Variants in PCSK5 observed in about 807,000 individuals in gnomAD.
The protein encoded by PCSK5 is proprotein convertase subtilisin/kexin type 5, also known as prohormone convertase 5.
PCSK5 carries 129 observed loss-of-function variants against 233.2 expected under a neutral mutation model. The observed-to-expected ratio is 0.55, with a 90% confidence interval of 0.48 to 0.64. PCSK5 has a LOEUF of 0.64. PCSK5 is among the 30% of genes least tolerant of loss of function. The pLI is 0.00. For synonymous variants in PCSK5, 825 were observed against 879.2 expected, an observed-to-expected ratio of 0.94 and a Z score of 1.09; for missense variants, 2,076 against 2,430.1, an observed-to-expected ratio of 0.85 and a Z score of 3.06.
chr9:76,030,253 C>T (rs756207551), intron 5 of PCSK5, among the ~76,000 whole-genome samples: 4 of 152,058 alleles, frequency 2.6e-5, no homozygotes, highest in Non-Finnish European at 5.9e-5. Context: ...TTTAGCTCTC[C>T]ATGAGAGTCC....
chr9:76,323,511 G>A (rs1474158809), intron 32 of PCSK5, among the ~76,000 whole-genome samples: 1 of 152,070 alleles, frequency 6.6e-6, no homozygotes, highest in Non-Finnish European at 1.5e-5. Flanking sequence ...AGCCTCCAGA[G>A]TTGCTGGGAA....
intron 7 of PCSK5, among the ~76,000 whole-genome samples, chr9:76,095,543 C>A (rs573499951): frequency 4.7e-4 from 71 of 152,272 alleles, no homozygotes; most frequent in African/African-American, 1.6e-3. Context: ...AATTACTTAA[C>A]TTCTGTACCT....
intron 24 of PCSK5, among the ~76,000 whole-genome samples, chr9:76,274,799 G>C (rs1827636189): frequency 6.6e-6 from 1 of 152,184 alleles, no homozygotes; most frequent in South Asian, 2.1e-4. Context: ...GCCAGGAAAT[G>C]TAGAAAGAAT....
At chr9:76,131,085 G>C (rs1046695277) in intron 9 of PCSK5, among the ~76,000 whole-genome samples, 7 of 152,096 alleles carry the variant, frequency 4.6e-5, no homozygotes, top group African/African-American at 1.7e-4. Context: ...GGACTGTGGA[G>C]TTCCCTGCAG....
In PCSK5 at chr9:76,294,026, G is replaced by A. The variant is rs538739697; in HGVS notation, c.3186-1249G>A. On this transcript the variant is annotated intron_variant, in intron 25 of 37. Transcript: ENST00000674117. Reference sequence around the variant, plus strand: ...AGCCTAGCCAACCTGGGGAAACCCCGTCTCTACTAAAAATACAAAAATTAG... The same window carrying A: ...AGCCTAGCCAACCTGGGGAAACCCCATCTCTACTAAAAATACAAAAATTAG... 3.9e-5 allele frequency among the ~76,000 whole-genome samples: 6 copies of A among 152,156 alleles called. No individual in the cohort carries two copies. The East Asian group carries it at 1.2e-3, about 29-fold the overall frequency.
intron 11 of PCSK5, among the ~76,000 whole-genome samples, chr9:76,157,499 A>G (rs1370448719): frequency 6.7e-6 from 1 of 149,416 alleles, no homozygotes; most frequent in African/African-American, 2.6e-5. Context: ...TAACAACTCT[A>G]TACTGCGTAG....
intron 33 of PCSK5, among the ~76,000 whole-genome samples, chr9:76,331,751 C>A (rs1047508908): frequency 6.6e-6 from 1 of 151,716 alleles, no homozygotes; most frequent in Non-Finnish European, 1.5e-5. Context: ...CAGAGAGAAG[C>A]TACTGCACTG....
chr9:76,004,189 G>A (rs1339464539), intron 3 of PCSK5, among the ~76,000 whole-genome samples: 1 of 152,012 alleles, frequency 6.6e-6, no homozygotes, highest in East Asian at 1.9e-4. Context: ...GGTCTTTCAT[G>A]TTGATGATTT....
At chr9:76,353,304 C>T (rs572969691) in intron 36 of PCSK5, among the ~76,000 whole-genome samples, 5 of 152,324 alleles carry the variant, frequency 3.3e-5, no homozygotes, top group Admixed American at 2.6e-4. Flanking sequence ...AAGCCACTTT[C>T]TTCTCATCTC....
intron 30 of PCSK5, among the ~76,000 whole-genome samples, chr9:76,320,163 A>G (rs1294261736): frequency 6.6e-6 from 1 of 151,898 alleles, no homozygotes; most frequent in Admixed American, 6.6e-5. Flanking sequence ...ATTTATTACA[A>G]TCTCTCGTCT....
rs1425440357 is a variant in PCSK5, at chr9:76,309,420, A to G, written c.3688+692A>G. Among the ~76,000 whole-genome samples the G allele has an allele frequency of 2.0e-5, 3 of 152,224 alleles. No homozygotes were observed. The South Asian group carries it at 6.2e-4, about 32-fold the overall frequency. On this transcript the variant is annotated intron_variant, in intron 29 of 37. Coordinates refer to ENST00000674117, the MANE Select transcript of PCSK5 (RefSeq NM_001372043.1). ...TAAAGAATGTTTAAGTGGGCTGGGC[A>G]TGATGGCTCATGCCTGTAATCCCAA...
intron 7 of PCSK5, among the ~76,000 whole-genome samples, chr9:76,092,903 G>T (rs772661003): frequency 6.6e-6 from 1 of 151,920 alleles, no homozygotes; most frequent in Non-Finnish European, 1.5e-5. Context: ...AGGAATTAAT[G>T]TTCTTGTTTC....
chr9:76,345,844 C>T (rs1275550373), intron 35 of PCSK5, among the ~76,000 whole-genome samples: 2 of 151,314 alleles, frequency 1.3e-5, no homozygotes, highest in Non-Finnish European at 2.9e-5. Context: ...CTCAGCCTCC[C>T]GAGTAGCTGG....
chr9:76,337,428 C>G (rs1829708600), intron 34 of PCSK5, among the ~76,000 whole-genome samples: 1 of 152,118 alleles, frequency 6.6e-6, no homozygotes. Flanking sequence ...CTCATCTTGG[C>G]CTCCCAAAGT....
chr9:75,928,811 A>G (rs11144689), intron 1 of PCSK5, among the ~76,000 whole-genome samples: 71,699 of 150,888 alleles, frequency 0.48, 17,797 homozygotes, highest in African/African-American at 0.55. Context: ...TTAAGGTAGA[A>G]CTAAACCATT....
At chr9:76,201,340 C>T (rs1451774193) in intron 20 of PCSK5, among the ~76,000 whole-genome samples, 2 of 152,172 alleles carry the variant, frequency 1.3e-5, no homozygotes, top group Non-Finnish European at 2.9e-5. Context: ...CTAAAGGCTT[C>T]ATATGGGTTA....
intron 2 of PCSK5, among the ~76,000 whole-genome samples, chr9:75,957,204 G>A (rs73450608): frequency 0.068 from 10,335 of 152,148 alleles, 558 homozygotes; most frequent in African/African-American, 0.14. Flanking sequence ...TCAGTATTGC[G>A]TCTTTTTGTT....
chr9:76,254,140 G>A (rs917913452), intron 24 of PCSK5, among the ~76,000 whole-genome samples: 18 of 152,138 alleles, frequency 1.2e-4, no homozygotes, highest in African/African-American at 1.9e-4. Flanking sequence ...TCCTGCTTAC[G>A]TATTTTTGGC....
intron 15 of PCSK5, among the ~76,000 whole-genome samples, chr9:76,180,631 C>T (rs1346399827): frequency 6.6e-6 from 1 of 152,140 alleles, no homozygotes; most frequent in South Asian, 2.1e-4. Context: ...TCTCCCTCCT[C>T]CTTCAGGCGA....
Sources: allele counts gnomAD v4.1 joint callset (sites outside exome capture counted in the v4.1 genomes callset), GRCh38; gene constraint gnomAD v4.1.1; transcripts MANE v1.5; gene names NCBI Gene and HGNC (gene_info 2026-07-23, HGNC 2026-07-21).